The following UNC5C variants were observed in gnomAD, a reference collection of about 807,000 sequenced individuals.
UNC5C encodes unc-5 netrin receptor C.
Under a neutral mutation model 99.8 loss-of-function variants are expected in UNC5C, and 47 were observed. The observed-to-expected ratio is 0.47, with a 90% CI of 0.37 to 0.60. The LOEUF (loss-of-function observed/expected upper bound fraction) is 0.60. Among genes scored for constraint, UNC5C ranks in the 20% least tolerant of loss-of-function variants. The pLI, the probability that UNC5C is intolerant of heterozygous loss-of-function variation, is 0.00. For synonymous variants in UNC5C, 487 were observed against 452.2 expected (o/e 1.08, Z -0.98); for missense variants, 1,062 against 1,165.9 (o/e 0.91, Z 1.30).
intron 3 of UNC5C, among the ~76,000 whole-genome samples, chr4:95,298,953 C>T (rs2149402968): frequency 6.6e-6 from 1 of 152,206 alleles, no homozygotes; most frequent in South Asian, 2.1e-4. Flanking sequence ...TAGTTTTAAT[C>T]TAGTGTGATT....
chr4:95,537,897 C>T (rs1406561531), intron 1 of UNC5C, among the ~76,000 whole-genome samples: 2 of 152,116 alleles, frequency 1.3e-5, no homozygotes, highest in Non-Finnish European at 2.9e-5. Flanking sequence ...AAACCAGACA[C>T]TCAGCTAAAA....
rs537311158 is a variant in UNC5C, at chr4:95,417,384, C to G, written c.125-81753G>C. On this transcript the variant is annotated intron_variant, in intron 1 of 15. Transcript: ENST00000453304. ...GCTCTTTGACCTATATTGTTATTATCATTATTAATAAACTTCTAGTATTTG... is the reference window on the plus strand; with the variant it reads ...GCTCTTTGACCTATATTGTTATTATGATTATTAATAAACTTCTAGTATTTG... 1.2e-3 allele frequency among the ~76,000 whole-genome samples: 184 copies of G among 152,194 alleles called. No individual in the cohort carries two copies. The Middle Eastern group carries it at 0.014, about 11-fold the overall frequency.
At chr4:95,379,627 T>C (rs1745002910) in intron 1 of UNC5C, among the ~76,000 whole-genome samples, 1 of 152,190 alleles carries the variant, frequency 6.6e-6, no homozygotes, top group African/African-American at 2.4e-5. Context: ...GAGCTTGCCT[T>C]CCGGTCAGAG....
At chr4:95,457,725 T>A (rs968771251) in intron 1 of UNC5C, among the ~76,000 whole-genome samples, 2 of 151,982 alleles carry the variant, frequency 1.3e-5, no homozygotes, top group Non-Finnish European at 2.9e-5. Context: ...GAGATAAAGG[T>A]AGACACAGAA....
At chr4:95,194,664 C>A (rs1231374860) in intron 12 of UNC5C, among the ~76,000 whole-genome samples, 1 of 152,152 alleles carries the variant, frequency 6.6e-6, no homozygotes, top group Admixed American at 6.5e-5. Context: ...AAGTTCTCCA[C>A]CTTCAAAACC....
chr4:95,252,920 A>T (rs1739799258), intron 4 of UNC5C, among the ~76,000 whole-genome samples: 1 of 152,224 alleles, frequency 6.6e-6, no homozygotes, highest in Admixed American at 6.5e-5. Context: ...AAATTGTTTA[A>T]CATATTATAT....
intron 1 of UNC5C, among the ~76,000 whole-genome samples, chr4:95,393,851 T>G (rs575714324): frequency 5.4e-5 from 4 of 74,388 alleles, no homozygotes; most frequent in South Asian, 5.4e-4. Flanking sequence ...CAATCTACTG[T>G]TTTTTTTTTT....
intron 1 of UNC5C, among the ~76,000 whole-genome samples, chr4:95,414,781 G>A (rs1241346829): frequency 6.6e-6 from 1 of 152,068 alleles, no homozygotes. Context: ...ACTATTTTGA[G>A]GTAATTTATT....
At chr4:95,547,076 C>G (rs964291412) in intron 1 of UNC5C, among the ~76,000 whole-genome samples, 2 of 151,894 alleles carry the variant, frequency 1.3e-5, no homozygotes, top group Non-Finnish European at 2.9e-5. Flanking sequence ...TCTAAGCACC[C>G]TTGGCTAGCG....
intron 4 of UNC5C, among the ~76,000 whole-genome samples, chr4:95,256,934 T>C (rs1740021556): frequency 6.6e-6 from 1 of 151,924 alleles, no homozygotes; most frequent in South Asian, 2.1e-4. Context: ...AGACTTTTTA[T>C]GTTTCTGTGC....
chr4:95,403,071 A>G (rs1745743381), intron 1 of UNC5C, among the ~76,000 whole-genome samples: 1 of 152,190 alleles, frequency 6.6e-6, no homozygotes. Flanking sequence ...TCTTGGGGGA[A>G]GAAAGAGAAA....
chr4:95,328,932 C>T (rs1239434380), intron 2 of UNC5C, among the ~76,000 whole-genome samples: 4 of 152,130 alleles, frequency 2.6e-5, no homozygotes, highest in Admixed American at 1.3e-4. Context: ...CACCCCCTCA[C>T]CTGCATGCTC....
At chr4:95,422,546 C>T (rs12644492) in intron 1 of UNC5C, among the ~76,000 whole-genome samples, 6,147 of 137,986 alleles carry the variant, frequency 0.045, 399 homozygotes, top group East Asian at 0.36. Flanking sequence ...GATTTGCAAC[C>T]GGGGGCTGTA....
chr4:95,507,980 C>G (rs1386471654), intron 1 of UNC5C, among the ~76,000 whole-genome samples: 8 of 152,018 alleles, frequency 5.3e-5, no homozygotes, highest in African/African-American at 1.9e-4. Flanking sequence ...TCACCCTTTT[C>G]TTTCCATTCC....
chr4:95,222,267 C>T (rs1362894574), intron 7 of UNC5C: 1 of 1,429,474 alleles, frequency 7.0e-7, no homozygotes, highest in Admixed American at 2.8e-5. Flanking sequence ...TAAATGAAAC[C>T]TTGAAAAGAA....
intron 6 of UNC5C, 48 bp from the exon 7 acceptor site, chr4:95,242,641 T>G: frequency 6.7e-7 from 1 of 1,491,552 alleles, no homozygotes; most frequent in Non-Finnish European, 8.9e-7. Flanking sequence ...AGGCAGCTGC[T>G]TAAGGGATGG....
At chr4:95,482,613 TG>T (rs1370943639) in intron 1 of UNC5C, among the ~76,000 whole-genome samples, 12 of 147,666 alleles carry the variant, frequency 8.1e-5, no homozygotes, top group Non-Finnish European at 1.5e-5. Context: ...CCAACCCAAA[TG>T]TCCAACAATG....
At chr4:95,325,242 T>C (rs1742843423) in intron 2 of UNC5C, among the ~76,000 whole-genome samples, 1 of 152,194 alleles carries the variant, frequency 6.6e-6, no homozygotes, top group African/African-American at 2.4e-5. Flanking sequence ...TATATATTTT[T>C]AAGAGGGGGA....
In UNC5C at chr4:95,256,695, A is replaced by AATAAATATATATATATAT. The variant is rs1553958297; in HGVS notation, c.595-6046_595-6029dup. On this transcript the variant is annotated intron_variant, in intron 4 of 15. Coordinates refer to ENST00000453304, the MANE Select transcript of UNC5C (RefSeq NM_003728.4). ...AGAGTTGTCTAGAGGGACAGAACTA[A>AATAAATATATATATATAT]ATAAATATATATATATATATATATA... 6.1e-3 allele frequency among the ~76,000 whole-genome samples: 663 copies of AATAAATATATATATATAT among 109,392 alleles called. 4 individuals are homozygous for AATAAATATATATATATAT. The highest frequency in any genetic ancestry group is 0.021 in the East Asian group (64 of 3,006). 71.8% of individuals were successfully genotyped at this position (109,392 alleles called of 152,430 possible).
Sources: allele counts gnomAD v4.1 joint callset (sites outside exome capture counted in the v4.1 genomes callset), GRCh38; gene constraint gnomAD v4.1.1; transcripts MANE v1.5; gene names NCBI Gene and HGNC (gene_info 2026-07-23, HGNC 2026-07-21).